Variants in FAM107B observed in about 807,000 individuals in gnomAD.
The protein encoded by FAM107B is protein FAM107B.
FAM107B carries 21 observed loss-of-function variants against 31.5 expected under a neutral mutation model. That is an observed-to-expected ratio of 0.67 (90% confidence interval 0.47 to 0.96). The LOEUF (loss-of-function observed/expected upper bound fraction) is 0.96. Ranked by LOEUF, FAM107B falls within the 40% of genes least tolerant of loss-of-function variation. The pLI is 0.00. For synonymous variants in FAM107B, 157 were observed against 141.5 expected (o/e 1.11, Z -0.78); for missense variants, 452 against 377.1 (o/e 1.20, Z -1.64).
At chr10:14,560,013 A>G (rs1391225436) in intron 2 of FAM107B, among the ~76,000 whole-genome samples, 1 of 151,846 alleles carries the variant, frequency 6.6e-6, no homozygotes, top group African/African-American at 2.4e-5. Context: ...CAAACGCACA[A>G]CCCTTGCTTC....
intron 2 of FAM107B, among the ~76,000 whole-genome samples, chr10:14,567,087 A>G (rs902540833): frequency 6.6e-6 from 1 of 152,222 alleles, no homozygotes; most frequent in African/African-American, 2.4e-5. Flanking sequence ...CAGGAGGCGG[A>G]GCTTGCAGTG....
intron 2 of FAM107B, among the ~76,000 whole-genome samples, chr10:14,537,869 G>A (rs1254806619): frequency 6.0e-5 from 9 of 149,594 alleles, no homozygotes; most frequent in Non-Finnish European, 1.2e-4. Context: ...TGCACCAAAC[G>A]CAATGCCTAC....
chr10:14,741,171 G>A (rs543147420), intron 1 of FAM107B, among the ~76,000 whole-genome samples: 1 of 152,286 alleles, frequency 6.6e-6, no homozygotes, highest in East Asian at 1.9e-4. Context: ...TTGGGGGCAG[G>A]AACCTGGGCT....
Position 14,766,474 on chromosome 10 carries a change from T to C in FAM107B, c.411+7779A>G, listed in dbSNP as rs376137392. Among the ~76,000 whole-genome samples the C allele has an allele frequency of 9.9e-5, 15 of 152,270 alleles. No homozygotes were observed. In the East Asian group the frequency reaches 2.7e-3, roughly 27 times the overall value. On this transcript the variant is annotated intron_variant, in intron 1 of 4. Coordinates refer to ENST00000181796, the MANE Select transcript of FAM107B (RefSeq NM_031453.4). ...TTAGTAGCCTCACGGAGTTCCAGTT[T>C]CCTTGTCAGGTAGAACAATAGGAGG... is the stretch of plus-strand genomic sequence containing the variant.
chr10:14,767,066 AG>A (rs1833191087), intron 1 of FAM107B, among the ~76,000 whole-genome samples: 1 of 80,224 alleles, frequency 1.2e-5, no homozygotes, highest in Non-Finnish European at 2.3e-5. Context: ...AGAGAGAGAG[AG>A]AGAGAGAGAG....
chr10:14,634,178 T>C (rs1853437684), intron 2 of FAM107B, among the ~76,000 whole-genome samples: 1 of 152,000 alleles, frequency 6.6e-6, no homozygotes, highest in Non-Finnish European at 1.5e-5. Flanking sequence ...GGGTGGATCA[T>C]GAGGTCAGGA....
At chr10:14,561,760 C>T (rs1406979265) in intron 2 of FAM107B, among the ~76,000 whole-genome samples, 1 of 151,874 alleles carries the variant, frequency 6.6e-6, no homozygotes, top group African/African-American at 2.4e-5. Context: ...GAGAATAAAC[C>T]ATTAGGTATA....
intron 1 of FAM107B, among the ~76,000 whole-genome samples, chr10:14,727,692 A>T (rs111355005): frequency 3.1e-4 from 47 of 152,352 alleles, no homozygotes; most frequent in African/African-American, 1.0e-3. Flanking sequence ...CAGCTGACTT[A>T]ATAACAGACT....
At chr10:14,694,727 T>C (rs1422421801) in intron 1 of FAM107B, among the ~76,000 whole-genome samples, 1 of 152,184 alleles carries the variant, frequency 6.6e-6, no homozygotes, top group East Asian at 1.9e-4. Context: ...TGAAATTTCA[T>C]AGTGGTTTTC....
chr10:14,741,912 C>T (rs1163069841), intron 1 of FAM107B, among the ~76,000 whole-genome samples: 2 of 151,712 alleles, frequency 1.3e-5, no homozygotes, highest in Admixed American at 6.6e-5. Flanking sequence ...TTCTACTAAA[C>T]CCCATGTTAG....
intron 2 of FAM107B, among the ~76,000 whole-genome samples, chr10:14,664,332 T>C (rs1854351251): frequency 6.6e-6 from 1 of 152,220 alleles, no homozygotes; most frequent in Non-Finnish European, 1.5e-5. Context: ...TTTCTCACTT[T>C]CCATACATTC....
At chr10:14,559,109 A>AAC (rs1554832882) in intron 2 of FAM107B, among the ~76,000 whole-genome samples, 9 of 69,666 alleles carry the variant, frequency 1.3e-4, no homozygotes, top group East Asian at 7.8e-4. Flanking sequence ...CAAAAAAAAA[A>AAC]AAAAAAAACA....
intron 2 of FAM107B, among the ~76,000 whole-genome samples, chr10:14,576,529 A>AAACAAC (rs113340570): frequency 9.1e-4 from 134 of 147,298 alleles, no homozygotes; most frequent in East Asian, 3.7e-3. Flanking sequence ...TACATCTCAA[A>AAACAAC]AACAACAACA....
intron 3 of FAM107B, 142 bp from the exon 4 acceptor site, chr10:14,522,161 A>G: frequency 9.5e-7 from 1 of 1,051,672 alleles, no homozygotes; most frequent in East Asian, 2.6e-5. Flanking sequence ...AGCAGGCAAC[A>G]TGGTGATCTA....
At chr10:14,636,271 C>CAA (rs56401366) in intron 2 of FAM107B, among the ~76,000 whole-genome samples, 27 of 85,288 alleles carry the variant, frequency 3.2e-4, no homozygotes, top group South Asian at 7.5e-4. Context: ...AAAAAGGAGC[C>CAA]AAAAAAAAAA....
intron 2 of FAM107B, chr10:14,604,192 C>T (rs986672214): frequency 2.0e-6 from 2 of 978,728 alleles, no homozygotes; most frequent in East Asian, 1.1e-4. Flanking sequence ...CCCGCCTCCC[C>T]GCGCCCCTCG....
intron 1 of FAM107B, among the ~76,000 whole-genome samples, chr10:14,767,947 C>G (rs557711094): frequency 6.6e-6 from 1 of 152,216 alleles, no homozygotes; most frequent in African/African-American, 2.4e-5. Flanking sequence ...TAAATAAATT[C>G]AGCAAAATTG....
At chr10:14,719,363 G>A (rs763655709) in intron 1 of FAM107B, among the ~76,000 whole-genome samples, 4 of 152,138 alleles carry the variant, frequency 2.6e-5, no homozygotes, top group African/African-American at 9.7e-5. Context: ...GCTGGAAATG[G>A]GTTTGTAAGT....
At chr10:14,522,110 A>C (rs566258803) in intron 3 of FAM107B, 91 bp from the exon 4 acceptor site, 2 of 1,484,700 alleles carry the variant, frequency 1.3e-6, no homozygotes, top group South Asian at 1.4e-5. Context: ...TCAACCACGG[A>C]AAAGTGGTCT....
Sources: gnomAD v4.1 joint callset for allele counts (sites outside exome capture counted in the v4.1 genomes callset) on GRCh38, gnomAD v4.1.1 for gene constraint, MANE v1.5 for transcripts, NCBI Gene and HGNC (gene_info 2026-07-23, HGNC 2026-07-21) for gene names.